Variants in ASNS observed in about 807,000 individuals in gnomAD.
ASNS encodes asparagine synthetase [glutamine-hydrolyzing].
In ASNS, 37 loss-of-function variants were observed where a neutral mutation model predicts 62.6. The ratio of observed to expected loss-of-function variants is 0.59; its 90% CI spans 0.45 to 0.78. ASNS has a LOEUF of 0.78. ASNS is among the 30% of genes least tolerant of loss of function. The pLI is 0.00. For missense variants in ASNS, 520 were observed against 682.4 expected, an observed-to-expected ratio of 0.76 and a Z score of 2.65; for synonymous variants, 207 against 237.9, an observed-to-expected ratio of 0.87 and a Z score of 1.19.
At chr7:97,867,538 G>T (rs576099861) in intron 3 of ASNS, among the ~76,000 whole-genome samples, 1 of 152,278 alleles carries the variant, frequency 6.6e-6, no homozygotes, top group South Asian at 2.1e-4. Flanking sequence ...CTGTTCAAGT[G>T]AAACAGGGCA....
At position 97,852,383 on chromosome 7, in the gene ASNS, A is replaced by C. The variant is rs746606098; in HGVS notation, c.1562T>G (p.Val521Gly). The C allele has an allele frequency of 5.0e-6, 8 of 1,614,070 alleles. No homozygotes were observed. The highest frequency in any genetic ancestry group is 5.9e-6 in the Non-Finnish European group (7 of 1,180,052). ...CCGGCCTGGGTAATGGCGTTCAAAG[A>C]CTTGACGGTAGTAATATCCTTCTTT... Reference protein sequence around the residue: ...KTKEGYYYRQVFERHYPGRAD... With the variant: ...KTKEGYYYRQGFERHYPGRAD... Residue 521 changes from valine (V) to glycine (G), a missense_variant, in exon 13 of 13, where the codon GTC (valine) becomes GGC (glycine). By Grantham distance (109) the Val-to-Gly change is moderately radical. Coordinates refer to ENST00000394308, the MANE Select transcript of ASNS (RefSeq NM_001673.5).
At chr7:97,877,911 T>C in the ASNS span, among the ~76,000 whole-genome samples, 1 of 152,110 alleles carries the variant, frequency 6.6e-6, no homozygotes, top group Non-Finnish European at 1.5e-5. Flanking sequence ...GAAGAGATGA[T>C]ACAGGGAGCA....
chr7:97,919,620 T>TGG, the ASNS span, among the ~76,000 whole-genome samples: 1 of 151,986 alleles, frequency 6.6e-6, no homozygotes, highest in Admixed American at 6.6e-5. Context: ...AGCCACAGAG[T>TGG]CTTCCTTCCT....
the ASNS span, among the ~76,000 whole-genome samples, chr7:97,894,480 C>CAAAAAAA: frequency 3.6e-4 from 13 of 36,542 alleles, no homozygotes; most frequent in African/African-American, 4.8e-4. Context: ...TGAGGCTAAC[C>CAAAAAAA]AAAAAAAAAA....
At chr7:97,876,891 G>C (rs915447722), upstream of ASNS, among the ~76,000 whole-genome samples, 4 of 152,096 alleles carry the variant, frequency 2.6e-5, no homozygotes, top group African/African-American at 9.7e-5. Context: ...AATGACTTTA[G>C]GTATATGGAC....
chr7:97,871,529 T>C (rs1234817328), intron 1 of ASNS, among the ~76,000 whole-genome samples: 2 of 151,892 alleles, frequency 1.3e-5, no homozygotes, highest in Non-Finnish European at 2.9e-5. Context: ...TGTTAAATTA[T>C]TAGTCAAGCG....
At chr7:97,894,068 G>A in the ASNS span, among the ~76,000 whole-genome samples, 3 of 152,204 alleles carry the variant, frequency 2.0e-5, no homozygotes, top group East Asian at 5.8e-4. Flanking sequence ...TCAATAAGAA[G>A]AAGAAATTTG....
At position 97,858,834 on chromosome 7, in the gene ASNS, GT is replaced by G. The variant is rs36021744; in HGVS notation, c.775+19del. The G allele has an allele frequency of 5.4e-5, 86 of 1,587,198 alleles. No individual in the cohort carries two copies. In the Middle Eastern group the frequency reaches 1.0e-3, roughly 19 times the overall value. On this transcript the variant is annotated intron_variant, in intron 6 of 12. Coordinates refer to ENST00000394308, the MANE Select transcript of ASNS (RefSeq NM_001673.5). ...TTAAACACACATGAAATATAATTAG[GT>G]TTTTTTAATTGACTTCACCTGATAA...
At chr7:97,905,538 A>G in the ASNS span, among the ~76,000 whole-genome samples, 1 of 151,900 alleles carries the variant, frequency 6.6e-6, no homozygotes, top group Non-Finnish European at 1.5e-5. Flanking sequence ...TTGACTTTAA[A>G]CCTCTTCCAT....
intron 10 of ASNS, among the ~76,000 whole-genome samples, chr7:97,853,837 G>C (rs764648004): frequency 1.3e-5 from 2 of 152,148 alleles, no homozygotes; most frequent in African/African-American, 4.8e-5. Context: ...ATATAAACCA[G>C]TGTCCCACTA....
the ASNS span, among the ~76,000 whole-genome samples, chr7:97,914,750 C>T: frequency 5.3e-5 from 8 of 152,250 alleles, no homozygotes; most frequent in South Asian, 2.1e-4. Context: ...TCTGCCTGCA[C>T]ATTAGGTATC....
In ASNS at chr7:97,856,788, TA is replaced by T; in HGVS notation, c.931del (p.Tyr311MetfsTer33). On this transcript the variant is annotated frameshift_variant, in exon 8 of 13. Transcript: ENST00000394308. LOFTEE classifies it high-confidence loss of function. ...TTCCTCAGAGTTAAAAAGGACTTCA[TA>T]ATGTTCACTTCCAATATGATCTGCC... ...KVADHIGSEH[Y>X]EVLFNSEEGI... The T allele has an allele frequency of 6.2e-7, 1 of 1,611,728 alleles. No homozygotes were observed. The highest frequency in any genetic ancestry group is 2.2e-5 in the East Asian group (1 of 44,844).
the ASNS span, among the ~76,000 whole-genome samples, chr7:97,896,151 A>G: frequency 2.0e-5 from 3 of 152,098 alleles, no homozygotes; most frequent in African/African-American, 7.2e-5. Context: ...GAGATTCAGT[A>G]TAATCCCTAT....
At chr7:97,858,808 A>G (rs770938720) in intron 6 of ASNS, 46 bp downstream of exon 6, 1 of 1,523,922 alleles carries the variant, frequency 6.6e-7, no homozygotes, top group South Asian at 1.2e-5. Flanking sequence ...AATCATTTCA[A>G]TTAAACACAC....
chr7:97,920,799 A>C, the ASNS span, among the ~76,000 whole-genome samples: 1 of 152,276 alleles, frequency 6.6e-6, no homozygotes, highest in Admixed American at 6.5e-5. Context: ...TTAAATATGC[A>C]TGCCTAGACA....
the ASNS span, among the ~76,000 whole-genome samples, chr7:97,894,650 C>T: frequency 6.6e-6 from 1 of 152,048 alleles, no homozygotes; most frequent in Non-Finnish European, 1.5e-5. Flanking sequence ...CCCAGACATA[C>T]ACAGCCTACC....
the ASNS span, among the ~76,000 whole-genome samples, chr7:97,895,724 G>A: frequency 6.6e-6 from 1 of 152,198 alleles, no homozygotes; most frequent in Non-Finnish European, 1.5e-5. Context: ...CCGAGAGGTG[G>A]AGGTTGCAGT....
In ASNS at chr7:97,854,717, T is replaced by C. The variant is rs1791352684; in HGVS notation, c.1138-37A>G. On this transcript the variant is annotated intron_variant, in intron 9 of 12. Coordinates refer to ENST00000394308, the MANE Select transcript of ASNS (RefSeq NM_001673.5). ...ACAAAAACACCAAGAGTTTTGCTTT[T>C]GGCACACAAAGCAGTTTTTCTTTCT... 3.1e-6 allele frequency: 5 copies of C among 1,613,366 alleles called. No homozygotes were observed. The African/African-American group carries it at 6.7e-5, about 22-fold the overall frequency.
the ASNS span, chr7:97,898,252 A>G: frequency 1.1e-5 from 4 of 348,758 alleles, no homozygotes; most frequent in South Asian, 9.4e-5. Flanking sequence ...GCACCACCAC[A>G]CCAGGCTAAT....
Sources: allele counts gnomAD v4.1 joint callset (sites outside exome capture counted in the v4.1 genomes callset), GRCh38; gene constraint gnomAD v4.1.1; transcripts MANE v1.5; gene names NCBI Gene and HGNC (gene_info 2026-07-23, HGNC 2026-07-21).